Variants in SLC14A2 observed in about 807,000 individuals in gnomAD.
SLC14A2 encodes the protein urea transporter 2.
Under a neutral mutation model 104.6 loss-of-function variants are expected in SLC14A2, and 91 were observed. The ratio of observed to expected loss-of-function variants is 0.87; its 90% confidence interval spans 0.73 to 1.04. The LOEUF (loss-of-function observed/expected upper bound fraction) is 1.04. SLC14A2 is among the 50% of genes least tolerant of loss of function. SLC14A2 has a pLI of 0.00. For synonymous variants in SLC14A2, 476 were observed against 466.4 expected, an observed-to-expected ratio of 1.02 and a Z score of -0.27; for missense variants, 1,189 against 1,156.0, an observed-to-expected ratio of 1.03 and a Z score of -0.41.
At chr18:45,673,269 T>C (rs1036586348) in intron 17 of SLC14A2, among the ~76,000 whole-genome samples, 5 of 152,216 alleles carry the variant, frequency 3.3e-5, no homozygotes, top group Admixed American at 6.5e-5. Context: ...CACACCTTAG[T>C]ATAAATTTAA....
rs1428546908 is a variant in SLC14A2, at chr18:45,463,239, G to T, written c.-124-19994G>T. Among the ~76,000 whole-genome samples, 12 of 152,172 alleles carry T rather than the reference G, an allele frequency of 7.9e-5. 1 individual carries two copies. Among genetic ancestry groups the T allele is most frequent in the Admixed American group, 7.8e-4 (12 of 15,292 alleles). On this transcript the variant is annotated intron_variant, in intron 1 of 20. Coordinates refer to the SLC14A2 transcript ENST00000586448. Reference sequence around the variant, plus strand: ...TGGGTTCCCTGTAAATTGGGCAAAGGGGGAGGCAGTTGGGTAGCCTGGTGT... The same window carrying T: ...TGGGTTCCCTGTAAATTGGGCAAAGTGGGAGGCAGTTGGGTAGCCTGGTGT...
chr18:45,313,728 G>T (rs139123438), intron 1 of SLC14A2, among the ~76,000 whole-genome samples: 1 of 152,112 alleles, frequency 6.6e-6, no homozygotes, highest in African/African-American at 2.4e-5. Flanking sequence ...ACAGTGCCTG[G>T]CATAACTAAG....
At position 45,666,120 on chromosome 18, in the gene SLC14A2, T is replaced by C. The variant is rs1399729872; in HGVS notation, c.1475-17T>C. 9 of 1,600,270 alleles carry C rather than the reference T, an allele frequency of 5.6e-6. No homozygotes were observed. The highest frequency in any genetic ancestry group is 5.4e-5 in the African/African-American group (4 of 74,636). On this transcript the variant is annotated splice_polypyrimidine_tract_variant and intron_variant, in intron 11 of 19. Coordinates refer to ENST00000255226, the MANE Select transcript of SLC14A2 (RefSeq NM_007163.4). The stretch of plus-strand genomic sequence containing the variant: ...AGAGGTGTCCTAACTGATGGTGCTC[T>C]TTCCTTCTAACTCCAGTGTTTGGAA...
intron 2 of SLC14A2, among the ~76,000 whole-genome samples, chr18:45,553,068 G>C (rs1449550947): frequency 6.6e-6 from 1 of 152,156 alleles, no homozygotes; most frequent in African/African-American, 2.4e-5. Flanking sequence ...ATCTACCCAG[G>C]TGACAGGGTA....
chr18:45,315,973 AG>A (rs2085125523), intron 1 of SLC14A2, among the ~76,000 whole-genome samples: 2 of 152,334 alleles, frequency 1.3e-5, no homozygotes, highest in South Asian at 2.1e-4. Flanking sequence ...ATCTGCATTT[AG>A]GAGAGAATTT....
intron 2 of SLC14A2, among the ~76,000 whole-genome samples, chr18:45,543,106 G>A (rs1401999107): frequency 2.0e-5 from 3 of 151,574 alleles, no homozygotes; most frequent in South Asian, 2.1e-4. Flanking sequence ...ACACCACCAC[G>A]CCCGGCTAGT....
chr18:45,422,152 G>A (rs1014081836), intron 1 of SLC14A2, among the ~76,000 whole-genome samples: 3 of 152,166 alleles, frequency 2.0e-5, no homozygotes, highest in Admixed American at 6.5e-5. Flanking sequence ...CTGAGCAGGG[G>A]AGTAGCATGA....
chr18:45,188,123 C>T, the SLC14A2 span, among the ~76,000 whole-genome samples: 1 of 151,858 alleles, frequency 6.6e-6, no homozygotes, highest in Non-Finnish European at 1.5e-5. Flanking sequence ...AATCCAGGGG[C>T]CCTTATAAAT....
At chr18:45,312,239 T>C (rs2085086228) in intron 1 of SLC14A2, among the ~76,000 whole-genome samples, 1 of 152,212 alleles carries the variant, frequency 6.6e-6, no homozygotes, top group African/African-American at 2.4e-5. Context: ...ACATTATCAA[T>C]AAATGTTAGC....
At chr18:45,502,467 GCATCTTATTCC>G (rs2144764838) in intron 2 of SLC14A2, among the ~76,000 whole-genome samples, 1 of 152,272 alleles carries the variant, frequency 6.6e-6, no homozygotes, top group African/African-American at 2.4e-5. Context: ...ACCATAAAAT[GCATCTTATTCC>G]CATAGGAACA....
At chr18:45,279,034 G>A (rs1182037347) in intron 1 of SLC14A2, among the ~76,000 whole-genome samples, 1 of 152,186 alleles carries the variant, frequency 6.6e-6, no homozygotes, top group Non-Finnish European at 1.5e-5. Context: ...GCCACATGCA[G>A]TAAATTGGGG....
At chr18:45,537,035 C>CTCCA (rs1488071611) in intron 2 of SLC14A2, among the ~76,000 whole-genome samples, 1 of 91,444 alleles carries the variant, frequency 1.1e-5, no homozygotes, top group Non-Finnish European at 2.2e-5. Context: ...CCCTCCCTCC[C>CTCCA]TCCCTCCCTC....
chr18:45,554,600 C>T (rs1042498789), intron 2 of SLC14A2, among the ~76,000 whole-genome samples: 2 of 151,958 alleles, frequency 1.3e-5, no homozygotes, highest in East Asian at 1.9e-4. Flanking sequence ...AAAACAGCTC[C>T]GTGCTGGCTT....
intron 1 of SLC14A2, among the ~76,000 whole-genome samples, chr18:45,301,298 T>C (rs1193772354): frequency 6.6e-6 from 1 of 152,208 alleles, no homozygotes. Flanking sequence ...AACTCTGCCA[T>C]CTCAAGCAAA....
chr18:45,495,309 A>G (rs919640886), intron 2 of SLC14A2, among the ~76,000 whole-genome samples: 7 of 152,248 alleles, frequency 4.6e-5, no homozygotes, highest in South Asian at 4.1e-4. Context: ...AAATAAAAAC[A>G]AAACAAAATC....
At chr18:45,435,942 ACAAT>A (rs1049131451) in intron 1 of SLC14A2, among the ~76,000 whole-genome samples, 1 of 152,192 alleles carries the variant, frequency 6.6e-6, no homozygotes, top group African/African-American at 2.4e-5. Flanking sequence ...TCAAAAACTC[ACAAT>A]CAAAGAGCAC....
intron 1 of SLC14A2, among the ~76,000 whole-genome samples, chr18:45,460,560 C>A (rs1018108815): frequency 2.0e-5 from 3 of 152,136 alleles, no homozygotes; most frequent in African/African-American, 7.2e-5. Context: ...GCTAAGAAAG[C>A]CTTAATAAAG....
chr18:45,203,214 C>T, the SLC14A2 span, among the ~76,000 whole-genome samples: 863 of 152,246 alleles, frequency 5.7e-3, 15 homozygotes, highest in African/African-American at 0.02. Context: ...CTGAGTGAGC[C>T]AGGAGAGTGA....
At chr18:45,322,668 G>A (rs1170764295) in intron 1 of SLC14A2, among the ~76,000 whole-genome samples, 1 of 152,172 alleles carries the variant, frequency 6.6e-6, no homozygotes, top group Non-Finnish European at 1.5e-5. Flanking sequence ...GGAATGTTGT[G>A]TTGAACTCTC....
Sources: gnomAD v4.1 joint callset for allele counts (sites outside exome capture counted in the v4.1 genomes callset) on GRCh38, gnomAD v4.1.1 for gene constraint, MANE v1.5 for transcripts, NCBI Gene and HGNC (gene_info 2026-07-23, HGNC 2026-07-21) for gene names.